TGDS: variants seen among roughly 807,000 people sequenced by gnomAD.
The protein encoded by TGDS is UDP-D-glucose 4,6-dehydratase.
A neutral mutation model predicts 52.3 loss-of-function variants in TGDS; 47 were observed. That is an observed-to-expected ratio of 0.90 (90% CI 0.71 to 1.15). The LOEUF is 1.15. Ranked by LOEUF, TGDS falls within the 50% of genes most tolerant of loss-of-function variation. The pLI is 0.00. For missense variants in TGDS, 375 were observed against 418.4 expected (o/e 0.90, Z 0.90); for synonymous variants, 115 against 136.9 (o/e 0.84, Z 1.12).
chr13:94,593,778 CT>C, intron 2 of TGDS, 62 bp downstream of exon 2: 7 of 1,207,932 alleles, frequency 5.8e-6, no homozygotes, highest in South Asian at 1.3e-5. Context: ...GATTCTAGTA[CT>C]TTTAGAAAAC....
intron 2 of TGDS, among the ~76,000 whole-genome samples, chr13:94,592,931 C>T (rs188546236): frequency 1.3e-5 from 2 of 152,036 alleles, no homozygotes; most frequent in South Asian, 2.1e-4. Flanking sequence ...CTGAGGAGGG[C>T]GGACCACAGG....
In TGDS at chr13:94,577,413, G is replaced by T; in HGVS notation, c.842C>A (p.Ser281Ter). 1 of 1,575,826 alleles carries T rather than the reference G, an allele frequency of 6.3e-7. No individual in the cohort carries two copies. ...AACCCAATTTTCCATTTCAGACTCTGAATTGGTCTCTTTGATCTGTCAAAA... is the reference window on the plus strand; with the variant it reads ...AACCCAATTTTCCATTTCAGACTCTTAATTGGTCTCTTTGATCTGTCAAAA... ...ELIQLIKETN[S>*]ESEMENWVDY... is the part of the protein sequence containing the mutation. Residue 281 changes from serine to a stop codon, truncating the protein, a stop_gained, in exon 10 of 12, where the codon TCA becomes TAA. Transcript: ENST00000261296. LOFTEE classifies it high-confidence loss of function.
At chr13:94,596,234 C>T, upstream of TGDS, 1 of 1,345,162 alleles carries the variant, frequency 7.4e-7, no homozygotes, top group Non-Finnish European at 1.0e-6. Context: ...GCTCGCGGGA[C>T]ACGTTAACAG....
intron 8 of TGDS, among the ~76,000 whole-genome samples, 200 bp from the exon 9 acceptor site, chr13:94,578,370 A>AAGTGGCAAACATATG (rs11269762): frequency 6.6e-6 from 1 of 151,914 alleles, no homozygotes; most frequent in African/African-American, 2.4e-5. Flanking sequence ...CTCAGTAGGA[A>AAGTGGCAAACATATG]AGTGACCCCT....
chr13:94,574,738 A>T lies in TGDS; in HGVS notation c.*44T>A, dbSNP rs781349472. 1.6e-6 allele frequency: 2 copies of T among 1,268,120 alleles called. 1 individual carries two copies. The highest frequency in any genetic ancestry group is 4.6e-5 in the East Asian group (2 of 43,040). The allele number at this position is 1,268,120 out of a possible 1,614,324, so 78.6% of individuals were successfully genotyped here. A position where few individuals can be genotyped will look rare whatever the true frequency, so the allele number is the denominator to read the frequency against. ...ATTTCATACCACTTGGCGAGGTAGGATAACTTTCTTCTTTGACAACTGTCT... is the reference window on the plus strand; with the variant it reads ...ATTTCATACCACTTGGCGAGGTAGGTTAACTTTCTTCTTTGACAACTGTCT... On this transcript the variant is annotated 3_prime_UTR_variant, in exon 12 of 12. Coordinates refer to ENST00000261296, the MANE Select transcript of TGDS (RefSeq NM_014305.4).
intron 5 of TGDS, 76 bp downstream of exon 5, chr13:94,583,018 A>C: frequency 1.3e-6 from 2 of 1,500,972 alleles, no homozygotes; most frequent in Non-Finnish European, 1.8e-6. Context: ...AGGATGAAAA[A>C]AGCCCAGTGT....
chr13:94,592,334 G>A, intron 2 of TGDS, 25 bp from the exon 3 acceptor site: 1 of 1,565,396 alleles, frequency 6.4e-7, no homozygotes, highest in Non-Finnish European at 8.6e-7. Context: ...GCACAGAAGG[G>A]GCAACACAAA....
intron 1 of TGDS, among the ~76,000 whole-genome samples, chr13:94,594,874 G>A (rs1225231516): frequency 7.4e-6 from 1 of 135,180 alleles, no homozygotes; most frequent in Non-Finnish European, 1.6e-5. Context: ...GGATAGGAGA[G>A]TTTCCTGTTT....
chr13:94,577,748 C>T (rs7326503), intron 9 of TGDS, among the ~76,000 whole-genome samples: 6,373 of 152,114 alleles, frequency 0.042, 252 homozygotes, highest in African/African-American at 0.1. Context: ...TGTTTTAAGA[C>T]AATTTTATAT....
rs1594441535 is a variant in TGDS, at chr13:94,579,890, T to C, written c.615+4A>G. 3.8e-6 allele frequency: 6 copies of C among 1,568,836 alleles called. No homozygotes were observed. Among genetic ancestry groups the C allele is most frequent in the Non-Finnish European group, 5.2e-6 (6 of 1,146,904 alleles). ...AACACCATGAATTAAGAAGTAAAAT[T>C]TACCTTTTCTGGATATTGATGTGGT... On this transcript the variant is annotated splice_donor_region_variant and intron_variant, in intron 7 of 11. Coordinates refer to ENST00000261296, the MANE Select transcript of TGDS (RefSeq NM_014305.4).
chr13:94,594,236 G>C (rs1889299042), intron 1 of TGDS, among the ~76,000 whole-genome samples: 1 of 152,152 alleles, frequency 6.6e-6, no homozygotes, highest in Non-Finnish European at 1.5e-5. Flanking sequence ...ACAATAAATG[G>C]GAGCTAGTCA....
At chr13:94,576,270 A>T in intron 11 of TGDS, 44 bp downstream of exon 11, 1 of 1,368,062 alleles carries the variant, frequency 7.3e-7, no homozygotes, top group Non-Finnish European at 1.0e-6. Context: ...TTTTTCCTTT[A>T]AATTTTTCTG....
At chr13:94,580,630 A>G (rs1451907290) in intron 6 of TGDS, among the ~76,000 whole-genome samples, 1 of 152,216 alleles carries the variant, frequency 6.6e-6, no homozygotes. Context: ...CTCCACTCAT[A>G]GGACTCCAAC....
intron 4 of TGDS, among the ~76,000 whole-genome samples, chr13:94,586,404 C>T (rs2139531226): frequency 6.6e-6 from 1 of 152,268 alleles, no homozygotes; most frequent in East Asian, 1.9e-4. Context: ...CAGTACACAT[C>T]ACCGGGGAAA....
chr13:94,576,275 T>G, intron 11 of TGDS, 39 bp downstream of exon 11: 1 of 1,411,558 alleles, frequency 7.1e-7, no homozygotes, highest in Non-Finnish European at 9.7e-7. Context: ...CCTTTAAATT[T>G]TTCTGACTTG....
chr13:94,594,669 T>C (rs1889315247), intron 1 of TGDS, among the ~76,000 whole-genome samples: 1 of 152,208 alleles, frequency 6.6e-6, no homozygotes, highest in Non-Finnish European at 1.5e-5. Flanking sequence ...GCACCCTTCC[T>C]GGACCCGCAC....
intron 4 of TGDS, among the ~76,000 whole-genome samples, chr13:94,586,088 C>CT (rs545600563): frequency 3.3e-5 from 5 of 151,972 alleles, no homozygotes; most frequent in East Asian, 1.9e-4. Context: ...AGGAATAATT[C>CT]TTTTTTTTAA....
At chr13:94,592,403 T>C in intron 2 of TGDS, 94 bp from the exon 3 acceptor site, 1 of 939,048 alleles carries the variant, frequency 1.1e-6, no homozygotes, top group Non-Finnish European at 1.6e-6. Flanking sequence ...CAGATGTTAC[T>C]GGTTACAATA....
intron 10 of TGDS, 124 bp from the exon 11 acceptor site, chr13:94,576,535 T>A (rs908244988): frequency 5.5e-6 from 3 of 542,592 alleles, no homozygotes; most frequent in Non-Finnish European, 8.7e-6. Flanking sequence ...AAATTCCCAA[T>A]AGGTTTTCTG....
Sources: allele counts gnomAD v4.1 joint callset (sites outside exome capture counted in the v4.1 genomes callset), GRCh38; gene constraint gnomAD v4.1.1; transcripts MANE v1.5; gene names NCBI Gene and HGNC (gene_info 2026-07-23, HGNC 2026-07-21).